PTPRN2: variants seen among roughly 807,000 people sequenced by gnomAD.
PTPRN2 encodes receptor-type tyrosine-protein phosphatase N2.
In PTPRN2, 74 loss-of-function variants were observed where a neutral mutation model predicts 118.8. The observed-to-expected ratio is 0.62, with a 90% confidence interval of 0.52 to 0.76. PTPRN2 has a LOEUF of 0.76. PTPRN2 is among the 30% of genes least tolerant of loss of function. PTPRN2 has a pLI of 0.00. For synonymous variants in PTPRN2, 641 were observed against 608.0 expected (o/e 1.05, Z -0.80); for missense variants, 1,481 against 1,394.4 (o/e 1.06, Z -0.99).
chr7:157,744,022 G>C (rs959078667), intron 12 of PTPRN2, among the ~76,000 whole-genome samples: 13 of 152,220 alleles, frequency 8.5e-5, no homozygotes, highest in Admixed American at 6.5e-5. Context: ...CGTGCTCCGG[G>C]GCACGACTCT....
intron 11 of PTPRN2, among the ~76,000 whole-genome samples, chr7:157,978,312 C>T (rs1746908982): frequency 6.6e-6 from 1 of 152,006 alleles, no homozygotes; most frequent in African/African-American, 2.4e-5. Context: ...GCAAAGACGT[C>T]TTATGCTGAC....
At chr7:157,705,663 C>T (rs533422986) in intron 12 of PTPRN2, among the ~76,000 whole-genome samples, 1 of 151,994 alleles carries the variant, frequency 6.6e-6, no homozygotes, top group Non-Finnish European at 1.5e-5. Context: ...GGATCACATC[C>T]CCCAGAATGC....
At chr7:158,515,884 G>C (rs368801458) in intron 1 of PTPRN2, among the ~76,000 whole-genome samples, 1 of 152,210 alleles carries the variant, frequency 6.6e-6, no homozygotes, top group East Asian at 1.9e-4. Flanking sequence ...TCCTAAATAC[G>C]TTTCCACACT....
At chr7:158,513,269 T>A (rs1823304300) in intron 1 of PTPRN2, among the ~76,000 whole-genome samples, 4 of 152,144 alleles carry the variant, frequency 2.6e-5, no homozygotes, top group Admixed American at 2.6e-4. Context: ...CAGGGGACAT[T>A]CTACAGACTG....
intron 6 of PTPRN2, among the ~76,000 whole-genome samples, chr7:158,143,506 C>T (rs138067923): frequency 9.2e-5 from 14 of 152,292 alleles, no homozygotes; most frequent in East Asian, 1.9e-4. Flanking sequence ...CCATAGCTCA[C>T]GGTGGACACC....
chr7:157,666,045 G>A (rs184813141), intron 13 of PTPRN2, among the ~76,000 whole-genome samples: 2 of 152,072 alleles, frequency 1.3e-5, no homozygotes, highest in East Asian at 1.9e-4. Context: ...ATGACGAGTT[G>A]GTGGGTGCAG....
rs888626520 is a variant in PTPRN2 at position 157,869,799 on chromosome 7, T to C, written c.1788+28874A>G. Among the ~76,000 whole-genome samples the C allele has an allele frequency of 1.3e-5, 2 of 152,282 alleles. No individual in the cohort carries two copies. The highest frequency in any genetic ancestry group is 4.8e-5 in the African/African-American group (2 of 41,552). ...CTCTCTGGTGAAGCTTTCCCAGGCATTTTTCTGCTAAAGTTTTTATAACTT... is the reference window on the plus strand; with the variant it reads ...CTCTCTGGTGAAGCTTTCCCAGGCACTTTTCTGCTAAAGTTTTTATAACTT... On this transcript the variant is annotated intron_variant, in intron 12 of 22. Transcript: ENST00000389418. This position sits in a 1 kb window ranked among gnomAD's most constrained non-coding sequence, Gnocchi z 4.2.
At chr7:158,036,589 A>T (rs1332906856) in intron 11 of PTPRN2, among the ~76,000 whole-genome samples, 1 of 152,226 alleles carries the variant, frequency 6.6e-6, no homozygotes, top group Admixed American at 6.5e-5. Context: ...AAAGTGACCA[A>T]AAAGGTATAT....
chr7:158,562,521 C>T (rs181962957), intron 1 of PTPRN2, among the ~76,000 whole-genome samples: 392 of 152,278 alleles, frequency 2.6e-3, no homozygotes, highest in African/African-American at 9.0e-3. Context: ...GCAACAGCAG[C>T]AGAGGAAATG....
At chr7:158,288,849 G>C (rs980306173) in intron 3 of PTPRN2, among the ~76,000 whole-genome samples, 4 of 152,130 alleles carry the variant, frequency 2.6e-5, no homozygotes, top group Admixed American at 6.5e-5. Flanking sequence ...AGAATTTCTT[G>C]TAGGACAGCT....
chr7:158,494,936 C>T (rs947490053), intron 1 of PTPRN2, among the ~76,000 whole-genome samples: 2 of 152,174 alleles, frequency 1.3e-5, no homozygotes, highest in Admixed American at 6.5e-5. Flanking sequence ...TCCCTGGCCC[C>T]GCCAGCCTCC....
intron 5 of PTPRN2, among the ~76,000 whole-genome samples, chr7:158,176,520 C>T (rs1016152298): frequency 2.6e-5 from 4 of 152,150 alleles, no homozygotes; most frequent in African/African-American, 4.8e-5. Flanking sequence ...ACAGAGGAAC[C>T]GTAAGCAGGT....
chr7:157,798,542 C>T (rs930473203), intron 12 of PTPRN2, among the ~76,000 whole-genome samples: 17 of 151,992 alleles, frequency 1.1e-4, no homozygotes, highest in East Asian at 3.9e-4. Flanking sequence ...TGGACACACA[C>T]GGACACACAC....
At chr7:158,571,333 C>A (rs1451121512) in intron 1 of PTPRN2, among the ~76,000 whole-genome samples, 1 of 151,690 alleles carries the variant, frequency 6.6e-6, no homozygotes, top group Non-Finnish European at 1.5e-5. Flanking sequence ...CAAAAATTAG[C>A]CAAGCATGGT....
chr7:158,112,869 G>A (rs1816399180), intron 9 of PTPRN2, among the ~76,000 whole-genome samples: 1 of 152,168 alleles, frequency 6.6e-6, no homozygotes, highest in African/African-American at 2.4e-5. Context: ...GGGCGTCCAG[G>A]CTGGGTGCTG....
chr7:158,133,887 C>A lies in PTPRN2; in HGVS notation c.1346G>T (p.Ser449Ile). 1.2e-6 allele frequency: 2 copies of A among 1,613,924 alleles called. No individual in the cohort carries two copies. Among genetic ancestry groups the A allele is most frequent in the Non-Finnish European group, 1.7e-6 (2 of 1,180,046 alleles). ...CAGCAGATCTTTGGAATACGTCTGGCTCTTGACGTTCTCCACTCCGGCAGT... is the reference window on the plus strand; with the variant it reads ...CAGCAGATCTTTGGAATACGTCTGGATCTTGACGTTCTCCACTCCGGCAGT... Reference protein sequence around the residue: ...EETAGVENVKSQTYSKDLLGQ... With the variant: ...EETAGVENVKIQTYSKDLLGQ... Residue 449 changes from serine (S) to isoleucine (I), a missense_variant, in exon 9 of 23, where the codon AGC becomes ATC. Ser to Ile is a moderately radical substitution (Grantham distance 142, BLOSUM62 -2). Transcript: ENST00000389418.
chr7:158,018,122 A>G (rs995168253), intron 11 of PTPRN2, among the ~76,000 whole-genome samples: 1 of 152,214 alleles, frequency 6.6e-6, no homozygotes, highest in Non-Finnish European at 1.5e-5. Context: ...GCGGACTTCT[A>G]AATGGCTAGG....
intron 6 of PTPRN2, among the ~76,000 whole-genome samples, chr7:158,165,140 T>C (rs7782123): frequency 0.06 from 1,847 of 30,838 alleles, 5 homozygotes; most frequent in East Asian, 0.098. Context: ...ACACAAAGAG[T>C]GCAGGAGGCA....
chr7:157,977,403 T>C lies in PTPRN2; in HGVS notation c.1724-78666A>G, dbSNP rs1006522677. On this transcript the variant is annotated intron_variant, in intron 11 of 22. Transcript: ENST00000389418. This position sits in a 1 kb window ranked among gnomAD's most constrained non-coding sequence, Gnocchi z 4.6. The stretch of plus-strand genomic sequence containing the variant: ...GGGTGGGAGGGGTTTATCAGAGATC[T>C]GGGAGCCAGGAAAGGTCTCCTGAGG... 6.6e-6 allele frequency among the ~76,000 whole-genome samples: 1 copy of C among 151,896 alleles called. No homozygotes were observed. The highest frequency in any genetic ancestry group is 1.5e-5 in the Non-Finnish European group (1 of 67,932).
Sources: allele counts gnomAD v4.1 joint callset (sites outside exome capture counted in the v4.1 genomes callset), GRCh38; gene constraint gnomAD v4.1.1; non-coding constraint Gnocchi (gnomAD v3.1); transcripts MANE v1.5; gene names NCBI Gene and HGNC (gene_info 2026-07-23, HGNC 2026-07-21).